Variants in ACVR1B observed in about 807,000 individuals in gnomAD.
The protein encoded by ACVR1B is activin A receptor type 1B, also known as activin receptor type-1B.
In ACVR1B, 15 loss-of-function variants were observed where a neutral mutation model predicts 55.6. The ratio of observed to expected loss-of-function variants is 0.27; its 90% CI spans 0.18 to 0.42. The LOEUF (loss-of-function observed/expected upper bound fraction) is 0.42, where lower values mean the gene tolerates loss of function less well. Ranked by LOEUF, ACVR1B falls within the 10% of genes least tolerant of loss-of-function variation. The pLI, the probability that ACVR1B is intolerant of heterozygous loss-of-function variation, is 1.00. For missense variants in ACVR1B, 359 were observed against 670.1 expected, an observed-to-expected ratio of 0.54 and a Z score of 5.13; for synonymous variants, 247 against 254.6, an observed-to-expected ratio of 0.97 and a Z score of 0.28.
chr12:51,952,039 C>G (rs532339868), intron 1 of ACVR1B, among the ~76,000 whole-genome samples: 1 of 152,162 alleles, frequency 6.6e-6, no homozygotes, highest in South Asian at 2.1e-4. Context: ...GAGCTCACGC[C>G]GGGCCCCTGG....
intron 1 of ACVR1B, among the ~76,000 whole-genome samples, chr12:51,955,376 A>G (rs931159351): frequency 6.6e-6 from 1 of 152,320 alleles, no homozygotes. Flanking sequence ...CTTGCTACCA[A>G]AATATGAATC....
intron 1 of ACVR1B, among the ~76,000 whole-genome samples, chr12:51,971,463 A>G (rs1412189548): frequency 6.6e-6 from 1 of 152,176 alleles, no homozygotes; most frequent in Non-Finnish European, 1.5e-5. Context: ...CTACTACGTA[A>G]TTCTTCCGCC....
chr12:51,990,832 G>A (rs1942177001), intron 7 of ACVR1B, among the ~76,000 whole-genome samples: 1 of 152,054 alleles, frequency 6.6e-6, no homozygotes, highest in African/African-American at 2.4e-5. Context: ...AATTTCCCAG[G>A]CTAGATTTTG....
chr12:51,968,193 A>G (rs570157809), intron 1 of ACVR1B, among the ~76,000 whole-genome samples: 1 of 152,376 alleles, frequency 6.6e-6, no homozygotes, highest in East Asian at 1.9e-4. Flanking sequence ...AGATTGCACC[A>G]TGGCATTCCA....
intron 4 of ACVR1B, among the ~76,000 whole-genome samples, chr12:51,981,570 G>C (rs532718002): frequency 6.6e-6 from 1 of 152,242 alleles, no homozygotes; most frequent in Non-Finnish European, 1.5e-5. Flanking sequence ...GGTGGCTCAC[G>C]CATGTAATGC....
intron 3 of ACVR1B, among the ~76,000 whole-genome samples, chr12:51,980,191 G>A (rs941368319): frequency 6.6e-6 from 1 of 152,176 alleles, no homozygotes; most frequent in African/African-American, 2.4e-5. Context: ...TTTATGTAAA[G>A]CCCTTAGCAT....
intron 7 of ACVR1B, 138 bp downstream of exon 7, chr12:51,987,080 A>T: frequency 8.2e-7 from 1 of 1,226,102 alleles, no homozygotes; most frequent in East Asian, 2.3e-5. Flanking sequence ...TAAGGTTGCC[A>T]TCAAAGGTGT....
Position 51,976,398 on chromosome 12 carries a change from G to A in ACVR1B, c.403G>A (p.Val135Met), listed in dbSNP as rs752900469. ...VELVGIIAGPVFLLFLIIIIV... is the reference protein window; with the variant it reads ...VELVGIIAGPMFLLFLIIIIV... ...GCTGGTAGGCATCATCGCCGGCCCG[G>A]TGTTCCTCCTGTTCCTCATCATCAT... The change falls in exon 3 of 9, where the codon GTG (valine) becomes ATG (methionine). Residue 135 changes from valine (V) to methionine (M), a missense_variant. Physicochemically the swap from Val to Met is conservative, Grantham distance 21 (BLOSUM62 1). Around this residue, in one of 5 missense-constraint regions of ACVR1B, gnomAD observed 133 missense variants for 188.2 expected, o/e 0.71. Transcript: ENST00000257963. The A allele has an allele frequency of 1.2e-6, 2 of 1,614,148 alleles. No homozygotes were observed. Among genetic ancestry groups the A allele is most frequent in the Non-Finnish European group, 1.7e-6 (2 of 1,180,028 alleles).
At chr12:51,960,934 T>C (rs1304355759) in intron 1 of ACVR1B, among the ~76,000 whole-genome samples, 1 of 152,224 alleles carries the variant, frequency 6.6e-6, no homozygotes, top group Non-Finnish European at 1.5e-5. Context: ...TCTTCTTGCC[T>C]TTGGCTGGAA....
At chr12:51,967,249 C>T (rs376488459) in intron 1 of ACVR1B, among the ~76,000 whole-genome samples, 2 of 145,156 alleles carry the variant, frequency 1.4e-5, no homozygotes, top group Non-Finnish European at 3.0e-5. Context: ...CAAAAAAAAA[C>T]CAAACAAACA....
At chr12:51,982,748 A>G (rs1160977845) in intron 4 of ACVR1B, 1 of 1,534,672 alleles carries the variant, frequency 6.5e-7, no homozygotes. Context: ...CCCCAAGCTG[A>G]GGAGCCTTAG....
rs762056742 is a variant in ACVR1B, at chr12:51,951,849, G to T, written c.91+15G>T. 3.2e-6 allele frequency: 4 copies of T among 1,257,472 alleles called. No homozygotes were observed. The South Asian group carries it at 1.5e-4, about 47-fold the overall frequency. 77.9% of individuals were successfully genotyped at this position (1,257,472 alleles called of 1,614,324 possible). A position where few individuals can be genotyped will look rare whatever the true frequency, so the allele number is the denominator to read the frequency against. On this transcript the variant is annotated intron_variant, in intron 1 of 8. Coordinates refer to ENST00000257963, the MANE Select transcript of ACVR1B (RefSeq NM_004302.5). ...GGGGGTCCAGGGTGAGTCCTGGGAC[G>T]GGGGGCGGGGGCCGGGATGGAGAGG... is the stretch of plus-strand genomic sequence containing the variant.
intron 1 of ACVR1B, among the ~76,000 whole-genome samples, chr12:51,970,130 AATGTGTTGAGAGTG>A (rs1941719259): frequency 6.6e-6 from 1 of 152,090 alleles, no homozygotes; most frequent in African/African-American, 2.4e-5. Flanking sequence ...GGAGGGTAAG[AATGTGTTGAGAGTG>A]ATGTGAATGA....
At chr12:51,981,241 G>A (rs745856505) in intron 4 of ACVR1B, 42 bp downstream of exon 4, 3 of 1,563,496 alleles carry the variant, frequency 1.9e-6, no homozygotes, top group Admixed American at 3.4e-5. Flanking sequence ...GATAGAGGAT[G>A]CTAGAGAAAG....
Position 51,985,157 on chromosome 12 carries a change from C to CCA in ACVR1B, c.980-35_980-34insCA. On this transcript the variant is annotated intron_variant, in intron 5 of 8. Coordinates refer to ENST00000257963, the MANE Select transcript of ACVR1B (RefSeq NM_004302.5). ...TCTATGCTTTTAACATTTATATCAT[C>CCA]TCTTTGTAAAGATCCCTGTTTTTTT... The CCA allele has an allele frequency of 2.5e-6, 4 of 1,582,010 alleles. No individual in the cohort carries two copies. In the South Asian group the frequency reaches 3.5e-5, roughly 14 times the overall value.
intron 1 of ACVR1B, among the ~76,000 whole-genome samples, chr12:51,964,934 A>G (rs951905803): frequency 6.6e-6 from 1 of 151,728 alleles, no homozygotes; most frequent in South Asian, 2.1e-4. Context: ...TGTTTGGACT[A>G]TTCAGGGTCA....
intron 1 of ACVR1B, chr12:51,953,281 C>T (rs575961637): frequency 1.1e-6 from 1 of 935,446 alleles, no homozygotes; most frequent in African/African-American, 1.8e-5. Context: ...GAAAAGACAC[C>T]ATGCCACTTT....
intron 8 of ACVR1B, among the ~76,000 whole-genome samples, 160 bp from the exon 9 acceptor site, chr12:51,993,825 G>A (rs949042259): frequency 6.9e-6 from 1 of 143,976 alleles, no homozygotes; most frequent in African/African-American, 2.5e-5. Flanking sequence ...GGGAACAAAG[G>A]GAGCCTTGCA....
rs1460090362 is a variant in ACVR1B at position 51,951,757 on chromosome 12, C to T, written c.14C>T (p.Ala5Val). MAESAGASSFFPLVV... is the reference protein window; with the variant it reads MAESVGASSFFPLVV... ...GCGGTGGTTACTATGGCGGAGTCGG[C>T]CGGAGCCTCCTCCTTCTTCCCCCTT... The change falls in exon 1 of 9, where the codon GCC becomes GTC. Residue 5 changes from alanine (A) to valine (V), a missense_variant. Around this residue, in one of 5 missense-constraint regions of ACVR1B, gnomAD observed 48 missense variants for 40.6 expected, o/e 1.18. Transcript: ENST00000257963. 43 of 1,279,868 alleles carry T rather than the reference C, an allele frequency of 3.4e-5. No individual in the cohort carries two copies. The highest frequency in any genetic ancestry group is 4.2e-5 in the Non-Finnish European group (42 of 1,005,054). 79.3% of individuals were successfully genotyped at this position (1,279,868 alleles called of 1,614,324 possible).
Sources: allele counts gnomAD v4.1 joint callset (sites outside exome capture counted in the v4.1 genomes callset), GRCh38; gene constraint gnomAD v4.1.1; regional missense constraint gnomAD v4.1.1; transcripts MANE v1.5; gene names NCBI Gene and HGNC (gene_info 2026-07-23, HGNC 2026-07-21).